Variants in MTMR12 observed in about 807,000 individuals in gnomAD.
MTMR12 encodes myotubularin related protein 12.
Under a neutral mutation model 96.7 loss-of-function variants are expected in MTMR12, and 33 were observed. The ratio of observed to expected loss-of-function variants is 0.34; its 90% CI spans 0.26 to 0.46. The LOEUF (loss-of-function observed/expected upper bound fraction) is 0.46, where lower values mean the gene tolerates loss of function less well. Ranked by LOEUF, MTMR12 falls within the 20% of genes least tolerant of loss-of-function variation. The probability of loss-of-function intolerance (pLI) is 1.00; values close to 1 mark genes in which losing one functional copy is unlikely to be tolerated. For synonymous variants in MTMR12, 298 were observed against 327.2 expected (o/e 0.91, Z 0.96); for missense variants, 721 against 896.1 (o/e 0.80, Z 2.49).
In MTMR12 at chr5:32,271,721, T is replaced by C. The variant is rs572248831; in HGVS notation, c.358+112A>G. 4.0e-4 allele frequency: 230 copies of C among 573,836 alleles called. 1 individual carries two copies. The highest frequency in any genetic ancestry group is 4.2e-4 in the Non-Finnish European group (149 of 356,596). The allele number at this position is 573,836 out of a possible 1,614,324, so 35.5% of individuals were successfully genotyped here. A position where few individuals can be genotyped will look rare whatever the true frequency, so the allele number is the denominator to read the frequency against. On this transcript the variant is annotated intron_variant, in intron 4 of 15. Transcript: ENST00000382142. ...ATCTATAAAACAGATTTAAACAAGA[T>C]GATATATGTGAAAAAATTTTTAAAA... is the stretch of plus-strand genomic sequence containing the variant.
intron 8 of MTMR12, among the ~76,000 whole-genome samples, chr5:32,254,736 C>T (rs542058244): frequency 3.3e-5 from 5 of 151,934 alleles, no homozygotes; most frequent in Non-Finnish European, 5.9e-5. Flanking sequence ...CCCAGTTACT[C>T]GGGAGGCTGA....
Position 32,248,875 on chromosome 5 carries a change from A to G in MTMR12, c.793T>C (p.Trp265Arg), listed in dbSNP as rs758089454. ...QRFQGHGIPI[W>R]CWSCHNGSAL... is the part of the protein sequence containing the mutation. ...CTTCCATTGTGGCAGGACCAACACC[A>G]TATCTGTAGAAACAAATAAAGCTTT... Residue 265 changes from tryptophan to arginine, a missense_variant, in exon 9 of 16, where the codon TGG (tryptophan) becomes CGG (arginine). Trp to Arg is a moderately radical substitution (Grantham distance 101, BLOSUM62 -3). Coordinates refer to ENST00000382142, the MANE Select transcript of MTMR12 (RefSeq NM_001040446.3). 9 of 1,611,876 alleles carry G rather than the reference A, an allele frequency of 5.6e-6. No individual in the cohort carries two copies. The highest frequency in any genetic ancestry group is 5.5e-5 in the South Asian group (5 of 91,040).
At position 32,245,679 on chromosome 5, in the gene MTMR12, T is replaced by C. The variant is rs143278495; in HGVS notation, c.1022-2080A>G. 7.2e-3 allele frequency among the ~76,000 whole-genome samples: 1,094 copies of C among 152,100 alleles called. 13 individuals are homozygous for C. The highest frequency in any genetic ancestry group is 0.025 in the African/African-American group (1,019 of 41,498). On this transcript the variant is annotated intron_variant, in intron 10 of 15. Coordinates refer to ENST00000382142, the MANE Select transcript of MTMR12 (RefSeq NM_001040446.3). ...CTTGCCTCTACTAAAAATACAAATA[T>C]TAGCCGGGTGTGGTGGTGCACACCT... is the stretch of plus-strand genomic sequence containing the variant.
At chr5:32,245,647 G>A (rs1213473051) in intron 10 of MTMR12, among the ~76,000 whole-genome samples, 1 of 152,086 alleles carries the variant, frequency 6.6e-6, no homozygotes, top group Non-Finnish European at 1.5e-5. Context: ...GGCCAACATA[G>A]TGAAACCTTG....
intron 15 of MTMR12, among the ~76,000 whole-genome samples, chr5:32,230,748 G>A (rs1747963399): frequency 6.6e-6 from 1 of 151,954 alleles, no homozygotes; most frequent in African/African-American, 2.4e-5. Context: ...TGTTCTAAAG[G>A]GAAAAAGATG....
At chr5:32,267,317 A>G (rs1749639346) in intron 6 of MTMR12, among the ~76,000 whole-genome samples, 1 of 149,990 alleles carries the variant, frequency 6.7e-6, no homozygotes, top group South Asian at 2.1e-4. Flanking sequence ...TGGAGGTTGC[A>G]GTGAGCCAAG....
chr5:32,272,256 A>G (rs903855255), intron 3 of MTMR12, among the ~76,000 whole-genome samples: 4 of 152,006 alleles, frequency 2.6e-5, no homozygotes, highest in Non-Finnish European at 5.9e-5. Context: ...GCACCACTGC[A>G]CTTCAGCCTG....
At chr5:32,283,240 T>C (rs563658347) in intron 1 of MTMR12, among the ~76,000 whole-genome samples, 1 of 152,334 alleles carries the variant, frequency 6.6e-6, no homozygotes, top group East Asian at 1.9e-4. Flanking sequence ...ATTACTACAC[T>C]GTGACCAAGA....
intron 2 of MTMR12, among the ~76,000 whole-genome samples, chr5:32,275,626 C>T (rs747385510): frequency 6.6e-6 from 1 of 152,174 alleles, no homozygotes; most frequent in Non-Finnish European, 1.5e-5. Flanking sequence ...TGATCTTTGT[C>T]TAGTTTGTGA....
chr5:32,245,371 C>A (rs1433859764), intron 10 of MTMR12, among the ~76,000 whole-genome samples: 1 of 152,140 alleles, frequency 6.6e-6, no homozygotes, highest in African/African-American at 2.4e-5. Context: ...AAAATGAAGT[C>A]AGAAGAAGCC....
chr5:32,247,960 T>C (rs762204442), intron 10 of MTMR12, 42 bp downstream of exon 10: 1 of 1,599,104 alleles, frequency 6.3e-7, no homozygotes, highest in African/African-American at 1.3e-5. Flanking sequence ...GGCATGTCTT[T>C]CCCCATATAA....
At chr5:32,241,545 C>T (rs1337837357) in intron 12 of MTMR12, among the ~76,000 whole-genome samples, 1 of 152,236 alleles carries the variant, frequency 6.6e-6, no homozygotes, top group Non-Finnish European at 1.5e-5. Flanking sequence ...CACCAATCTT[C>T]CTTGCATGGT....
chr5:32,310,733 G>A (rs1219219867), intron 1 of MTMR12, among the ~76,000 whole-genome samples: 2 of 152,106 alleles, frequency 1.3e-5, no homozygotes, highest in African/African-American at 4.8e-5. Context: ...AGCACAACAG[G>A]GTGACTACAG....
chr5:32,287,846 A>G (rs901597552), intron 1 of MTMR12, among the ~76,000 whole-genome samples: 1 of 152,212 alleles, frequency 6.6e-6, no homozygotes, highest in East Asian at 1.9e-4. Context: ...GACTCTATAC[A>G]TAATACCTTT....
At chr5:32,232,174 C>G (rs1032917954) in intron 15 of MTMR12, among the ~76,000 whole-genome samples, 1 of 151,534 alleles carries the variant, frequency 6.6e-6, no homozygotes, top group Non-Finnish European at 1.5e-5. Flanking sequence ...GGGTCCCCCC[C>G]ACCGTGTGGC....
At chr5:32,303,485 A>C (rs1397887647) in intron 1 of MTMR12, among the ~76,000 whole-genome samples, 1 of 152,168 alleles carries the variant, frequency 6.6e-6, no homozygotes, top group Non-Finnish European at 1.5e-5. Context: ...TAGAGATTAA[A>C]AGAATTATTT....
intron 1 of MTMR12, among the ~76,000 whole-genome samples, chr5:32,311,302 A>C (rs1193539193): frequency 1.3e-5 from 2 of 152,280 alleles, no homozygotes; most frequent in African/African-American, 4.8e-5. Flanking sequence ...CTGAAACTTT[A>C]AGATGACCCT....
At position 32,295,924 on chromosome 5, in the gene MTMR12, C is replaced by T. The variant is rs181640181; in HGVS notation, c.81+16834G>A. On this transcript the variant is annotated intron_variant, in intron 1 of 15. Transcript: ENST00000382142. ...ATCCCAGCATTTTGGGAGGCCAAGG[C>T]GGGCAGATCACCTGATGTTAGGAGT... Among the ~76,000 whole-genome samples the T allele has an allele frequency of 5.9e-4, 89 of 152,108 alleles. 1 individual carries two copies. The highest frequency in any genetic ancestry group is 2.0e-3 in the African/African-American group (82 of 41,478).
chr5:32,276,955 A>T (rs1750080263), intron 1 of MTMR12, among the ~76,000 whole-genome samples: 1 of 127,600 alleles, frequency 7.8e-6, no homozygotes, highest in Admixed American at 1.1e-4. Flanking sequence ...GCACGATCTC[A>T]GCTCACTGCA....
Sources: allele counts gnomAD v4.1 joint callset (sites outside exome capture counted in the v4.1 genomes callset), GRCh38; gene constraint gnomAD v4.1.1; transcripts MANE v1.5; gene names NCBI Gene and HGNC (gene_info 2026-07-23, HGNC 2026-07-21).